The following PTBP3 variants were observed in gnomAD, a reference collection of about 807,000 sequenced individuals.
PTBP3 encodes the protein polypyrimidine tract-binding protein 3.
Under a neutral mutation model 58.7 loss-of-function variants are expected in PTBP3, and 20 were observed. That is an observed-to-expected ratio of 0.34 (90% CI 0.24 to 0.50). PTBP3 has a LOEUF of 0.50. PTBP3 is among the 20% of genes least tolerant of loss of function. PTBP3 has a pLI of 0.98. For missense variants in PTBP3, 509 were observed against 637.2 expected (o/e 0.80, Z 2.17); for synonymous variants, 185 against 219.8 (o/e 0.84, Z 1.40).
intron 2 of PTBP3, among the ~76,000 whole-genome samples, chr9:112,296,500 A>G (rs1174118088): frequency 1.3e-5 from 2 of 152,136 alleles, no homozygotes; most frequent in Non-Finnish European, 2.9e-5. Context: ...CAAACACCAT[A>G]TAAGCTCCTG....
chr9:112,240,320 A>G (rs1409008541), intron 7 of PTBP3, among the ~76,000 whole-genome samples: 2 of 152,164 alleles, frequency 1.3e-5, no homozygotes, highest in South Asian at 4.1e-4. Context: ...GTACAATGTG[A>G]TGAGTTTTGA....
At chr9:112,229,880 A>C (rs1425309257) in intron 10 of PTBP3, among the ~76,000 whole-genome samples, 2 of 152,154 alleles carry the variant, frequency 1.3e-5, no homozygotes, top group African/African-American at 4.8e-5. Context: ...AATGAGTGAG[A>C]AATTAACTAC....
intron 1 of PTBP3, among the ~76,000 whole-genome samples, chr9:112,309,664 T>C (rs1285589572): frequency 3.3e-5 from 5 of 151,882 alleles, no homozygotes; most frequent in Non-Finnish European, 7.4e-5. Context: ...GGTGGACGCC[T>C]GTAATCCCAG....
chr9:112,327,100 A>G (rs1170660396), intron 1 of PTBP3, among the ~76,000 whole-genome samples: 1 of 151,906 alleles, frequency 6.6e-6, no homozygotes, highest in Non-Finnish European at 1.5e-5. Flanking sequence ...GCTACTCAGG[A>G]GGCTGAGGTA....
At chr9:112,241,717 ATATT>A (rs1835667856) in intron 7 of PTBP3, among the ~76,000 whole-genome samples, 2 of 152,226 alleles carry the variant, frequency 1.3e-5, no homozygotes, top group African/African-American at 4.8e-5. Flanking sequence ...ACATGACTGT[ATATT>A]TAAAGCATGT....
Position 112,219,113 on chromosome 9 carries a change from G to A in PTBP3, c.*4738C>T, listed in dbSNP as rs775259553. 2.6e-5 allele frequency: 4 copies of A among 152,620 alleles called. No individual in the cohort carries two copies. The highest frequency in any genetic ancestry group is 9.7e-5 in the African/African-American group (4 of 41,432). 9.5% of individuals were successfully genotyped at this position (152,620 alleles called of 1,614,324 possible). Reference sequence around the variant, plus strand: ...TCTGCACTGGTTCTTCTTTCAGAAAGGAGCTTGGGGAAAATGCAAAATGCT... The same window carrying A: ...TCTGCACTGGTTCTTCTTTCAGAAAAGAGCTTGGGGAAAATGCAAAATGCT... On this transcript the variant is annotated 3_prime_UTR_variant, in exon 14 of 14. Transcript: ENST00000374257.
At chr9:112,244,640 T>C (rs1835807483) in intron 7 of PTBP3, among the ~76,000 whole-genome samples, 1 of 152,004 alleles carries the variant, frequency 6.6e-6, no homozygotes, top group Non-Finnish European at 1.5e-5. Context: ...AGTGCACCAC[T>C]GCACTTCAGC....
At chr9:112,331,128 A>C (rs865918051) in intron 1 of PTBP3, among the ~76,000 whole-genome samples, 148 of 109,522 alleles carry the variant, frequency 1.4e-3, no homozygotes, top group African/African-American at 4.1e-3. Context: ...CACACACACG[A>C]GAGACAGTTG....
the PTBP3 span, among the ~76,000 whole-genome samples, chr9:112,348,553 A>G: frequency 3.9e-5 from 6 of 152,260 alleles, no homozygotes; most frequent in Non-Finnish European, 7.3e-5. Flanking sequence ...GCCACTGCGC[A>G]TGCGCACAGC....
Position 112,317,638 on chromosome 9 carries a change from C to T in PTBP3, c.-52+15832G>A, listed in dbSNP as rs555925866. On this transcript the variant is annotated intron_variant, in intron 1 of 13. Coordinates refer to ENST00000374257, the MANE Select transcript of PTBP3 (RefSeq NM_001163788.4). ...ATGAAAATTACTACAGATCCTACAA[C>T]ATTAAAAGGATAGTAAGAAAACATT... Among the ~76,000 whole-genome samples the T allele has an allele frequency of 5.3e-5, 8 of 152,170 alleles. No individual in the cohort carries two copies. The East Asian group carries it at 1.4e-3, about 26-fold the overall frequency.
At chr9:112,266,940 T>C (rs993100793) in intron 4 of PTBP3, among the ~76,000 whole-genome samples, 4 of 152,232 alleles carry the variant, frequency 2.6e-5, no homozygotes, top group Non-Finnish European at 5.9e-5. Flanking sequence ...ATTGTATTTA[T>C]TGTAAGCTTA....
rs551894790 is a variant in PTBP3 at position 112,246,617 on chromosome 9, C to T, written c.802+4312G>A. Among the ~76,000 whole-genome samples, 6 of 150,156 alleles carry T rather than the reference C, an allele frequency of 4.0e-5. No individual in the cohort carries two copies. The East Asian group carries it at 6.0e-4, about 15-fold the overall frequency. On this transcript the variant is annotated intron_variant, in intron 7 of 13. Coordinates refer to ENST00000374257, the MANE Select transcript of PTBP3 (RefSeq NM_001163788.4). Reference sequence around the variant, plus strand: ...TTGAGGCAGGAGTATGGTGTGAACCCGGGAGGCGGAGCTAGCAGTGAGCCG... The same window carrying T: ...TTGAGGCAGGAGTATGGTGTGAACCTGGGAGGCGGAGCTAGCAGTGAGCCG...
intron 1 of PTBP3, among the ~76,000 whole-genome samples, chr9:112,325,017 T>G (rs1254533171): frequency 2.0e-5 from 3 of 152,218 alleles, no homozygotes; most frequent in Non-Finnish European, 4.4e-5. Context: ...GAAACATACA[T>G]ATACCCAAAG....
chr9:112,320,314 A>ATATATATTTTTTT, intron 1 of PTBP3, among the ~76,000 whole-genome samples: 25 of 75,684 alleles, frequency 3.3e-4, no homozygotes, highest in South Asian at 4.9e-4. Flanking sequence ...ATATATATAT[A>ATATATATTTTTTT]TTTTTTTTTA....
At chr9:112,227,078 G>GT (rs1679198085) in intron 12 of PTBP3, among the ~76,000 whole-genome samples, 1 of 152,126 alleles carries the variant, frequency 6.6e-6, no homozygotes, top group Non-Finnish European at 1.5e-5. Context: ...ATTGGTTAAC[G>GT]TAAGAGTCAT....
intron 7 of PTBP3, among the ~76,000 whole-genome samples, chr9:112,246,229 C>T (rs1346783047): frequency 2.6e-5 from 4 of 151,798 alleles, no homozygotes; most frequent in African/African-American, 7.3e-5. Context: ...TTGATCCACC[C>T]GCCTCGGCCT....
At chr9:112,294,426 G>A (rs765317323) in intron 2 of PTBP3, among the ~76,000 whole-genome samples, 40 of 152,190 alleles carry the variant, frequency 2.6e-4, no homozygotes, top group Non-Finnish European at 4.6e-4. Context: ...GCTGAGGTGA[G>A]AGGACTGCCT....
At chr9:112,309,782 C>T (rs1415730220) in intron 1 of PTBP3, among the ~76,000 whole-genome samples, 4 of 147,884 alleles carry the variant, frequency 2.7e-5, no homozygotes, top group East Asian at 2.0e-4. Context: ...AGAGAGACTC[C>T]GTCTCAAAAA....
rs1286349711 is a variant in PTBP3, at chr9:112,221,647, A to T, written c.*2204T>A. On this transcript the variant is annotated 3_prime_UTR_variant, in exon 14 of 14. Transcript: ENST00000374257. The stretch of plus-strand genomic sequence containing the variant: ...AAACTTATTTCATAAGTAAAAAAAC[A>T]AAAAACTAAAAACTCCCACAACTAC... 8 of 985,236 alleles carry T rather than the reference A, an allele frequency of 8.1e-6. No homozygotes were observed. The highest frequency in any genetic ancestry group is 1.7e-5 in the African/African-American group (1 of 57,230). 61.0% of individuals were successfully genotyped at this position (985,236 alleles called of 1,614,324 possible).
Sources: gnomAD v4.1 joint callset for allele counts (sites outside exome capture counted in the v4.1 genomes callset) on GRCh38, gnomAD v4.1.1 for gene constraint, MANE v1.5 for transcripts, NCBI Gene and HGNC (gene_info 2026-07-23, HGNC 2026-07-21) for gene names.